L3MBTL4: variants seen among roughly 807,000 people sequenced by gnomAD.
The protein encoded by L3MBTL4 is L3MBTL histone methyl-lysine binding protein 4.
A neutral mutation model predicts 84.5 loss-of-function variants in L3MBTL4; 70 were observed. The observed-to-expected ratio is 0.83, with a 90% CI of 0.68 to 1.01. The LOEUF (loss-of-function observed/expected upper bound fraction) is 1.01. Ranked by LOEUF, L3MBTL4 falls within the 50% of genes least tolerant of loss-of-function variation. The pLI, the probability that L3MBTL4 is intolerant of heterozygous loss-of-function variation, is 0.00. For missense variants in L3MBTL4, 715 were observed against 754.8 expected (o/e 0.95, Z 0.62); for synonymous variants, 274 against 259.8 (o/e 1.05, Z -0.52).
chr18:6,034,999 GT>G (rs1304846413), intron 16 of L3MBTL4, among the ~76,000 whole-genome samples: 1 of 147,546 alleles, frequency 6.8e-6, no homozygotes, highest in Non-Finnish European at 1.5e-5. Context: ...GGGGTTGTTT[GT>G]TTTTTTCTTG....
At chr18:6,370,520 A>G (rs2054116299) in intron 1 of L3MBTL4, among the ~76,000 whole-genome samples, 2 of 152,220 alleles carry the variant, frequency 1.3e-5, no homozygotes, top group South Asian at 4.1e-4. Context: ...TCAGCACAGC[A>G]CAGTCCCTTG....
At chr18:6,119,560 A>G (rs1439014962) in intron 14 of L3MBTL4, among the ~76,000 whole-genome samples, 1 of 152,202 alleles carries the variant, frequency 6.6e-6, no homozygotes, top group Non-Finnish European at 1.5e-5. Flanking sequence ...CTGTTCAGGA[A>G]ATACTCAAAA....
At chr18:6,298,910 G>A (rs1029811161) in intron 4 of L3MBTL4, among the ~76,000 whole-genome samples, 14 of 151,846 alleles carry the variant, frequency 9.2e-5, no homozygotes, top group Admixed American at 4.6e-4. Flanking sequence ...AACCCTCAAT[G>A]CCCCAACACT....
At chr18:6,303,650 C>CAT (rs928915778) in intron 3 of L3MBTL4, among the ~76,000 whole-genome samples, 4 of 152,144 alleles carry the variant, frequency 2.6e-5, no homozygotes, top group Admixed American at 2.6e-4. Context: ...CAGACCTGTT[C>CAT]ATAGCACTTT....
intron 1 of L3MBTL4, among the ~76,000 whole-genome samples, chr18:6,346,198 T>C (rs1279188874): frequency 6.7e-6 from 1 of 150,214 alleles, no homozygotes; most frequent in African/African-American, 2.4e-5. Context: ...TCAAAATAGA[T>C]TGAAGACTTA....
At chr18:6,285,203 A>G (rs1429318219) in intron 4 of L3MBTL4, among the ~76,000 whole-genome samples, 1 of 152,162 alleles carries the variant, frequency 6.6e-6, no homozygotes, top group African/African-American at 2.4e-5. Flanking sequence ...CGGATGGTGG[A>G]GCCCACGTGG....
At chr18:6,127,540 A>G (rs1176197301) in intron 14 of L3MBTL4, among the ~76,000 whole-genome samples, 1 of 152,264 alleles carries the variant, frequency 6.6e-6, no homozygotes, top group Non-Finnish European at 1.5e-5. Context: ...AATACATAGC[A>G]GATTGGAAAA....
chr18:6,016,577 A>C (rs895505755), intron 16 of L3MBTL4, among the ~76,000 whole-genome samples: 4 of 152,184 alleles, frequency 2.6e-5, no homozygotes, highest in Non-Finnish European at 4.4e-5. Flanking sequence ...AAAGAGACAC[A>C]CCGAGTAGTG....
intron 16 of L3MBTL4, chr18:6,031,742 A>C: frequency 1.0e-6 from 1 of 985,420 alleles, no homozygotes; most frequent in Non-Finnish European, 1.2e-6. Context: ...GGCAAATGGA[A>C]AGTGCTGTCT....
intron 14 of L3MBTL4, among the ~76,000 whole-genome samples, chr18:6,136,869 C>A (rs565165236): frequency 1.3e-5 from 2 of 152,300 alleles, no homozygotes; most frequent in South Asian, 4.1e-4. Context: ...ACACCCTCCA[C>A]CAGTAACGAG....
intron 16 of L3MBTL4, among the ~76,000 whole-genome samples, chr18:5,999,287 C>T (rs1408606221): frequency 6.6e-6 from 1 of 152,210 alleles, no homozygotes; most frequent in Non-Finnish European, 1.5e-5. Flanking sequence ...CTATCTTCTC[C>T]TGAAAATGTC....
At chr18:6,140,938 T>A (rs543975062) in intron 13 of L3MBTL4, among the ~76,000 whole-genome samples, 1 of 151,858 alleles carries the variant, frequency 6.6e-6, no homozygotes, top group Admixed American at 6.5e-5. Flanking sequence ...GGACCTAGAC[T>A]CAGTCAGTAT....
chr18:6,185,990 T>G (rs2044731924), intron 12 of L3MBTL4, among the ~76,000 whole-genome samples: 3 of 149,832 alleles, frequency 2.0e-5, no homozygotes, highest in African/African-American at 7.4e-5. Flanking sequence ...TTTTATTTTA[T>G]TTTATTATTT....
chr18:6,371,628 T>G (rs937666948), intron 1 of L3MBTL4, among the ~76,000 whole-genome samples: 1 of 152,196 alleles, frequency 6.6e-6, no homozygotes, highest in Non-Finnish European at 1.5e-5. Context: ...GCCCCAAATG[T>G]TACTGAATTG....
chr18:6,166,791 A>C (rs1298789131), intron 13 of L3MBTL4, among the ~76,000 whole-genome samples: 4 of 152,204 alleles, frequency 2.6e-5, no homozygotes. Context: ...GAGCAAACAC[A>C]TTCAAAAGCT....
At chr18:5,976,348 G>A (rs187926159) in intron 16 of L3MBTL4, among the ~76,000 whole-genome samples, 18 of 152,250 alleles carry the variant, frequency 1.2e-4, no homozygotes, top group African/African-American at 2.6e-4. Context: ...CGTTAAATAC[G>A]GCCAGTAGAA....
At chr18:6,314,865 A>C (rs910367031) in intron 1 of L3MBTL4, among the ~76,000 whole-genome samples, 8 of 152,342 alleles carry the variant, frequency 5.3e-5, no homozygotes, top group South Asian at 2.1e-4. Flanking sequence ...ACCTTGAGGA[A>C]TATGAAGCTG....
rs2095220394 is a variant in L3MBTL4, at chr18:5,955,220, C to T, written c.*1000G>A. On this transcript the variant is annotated 3_prime_UTR_variant, in exon 19 of 19. Coordinates refer to ENST00000317931, the MANE Select transcript of L3MBTL4 (RefSeq NM_001330559.2). ...ACAAAAAACAAATAAGGCCTGACAA[C>T]AAATCGGAATGTTTCAAACAAAGAA... The T allele has an allele frequency of 6.6e-6, 1 of 152,216 alleles. No individual in the cohort carries two copies. The highest frequency in any genetic ancestry group is 2.1e-4 in the South Asian group (1 of 4,832). The allele number at this position is 152,216 out of a possible 1,614,324, so 9.4% of individuals were successfully genotyped here. A position where few individuals can be genotyped will look rare whatever the true frequency, so the allele number is the denominator to read the frequency against.
At position 6,111,911 on chromosome 18, in the gene L3MBTL4, C is replaced by T. The variant is rs146889342; in HGVS notation, c.1200-18383G>A. On this transcript the variant is annotated intron_variant, in intron 14 of 18. Coordinates refer to ENST00000317931, the MANE Select transcript of L3MBTL4 (RefSeq NM_001330559.2). Reference sequence around the variant, plus strand: ...ACAACACATTGTTATTAACTAGAGTCGACATGTTGTGCAATATATCTCCTT... The same window carrying T: ...ACAACACATTGTTATTAACTAGAGTTGACATGTTGTGCAATATATCTCCTT... 4.6e-5 allele frequency among the ~76,000 whole-genome samples: 7 copies of T among 152,126 alleles called. 1 individual carries two copies. Among genetic ancestry groups the T allele is most frequent in the African/African-American group, 1.4e-4 (6 of 41,482 alleles).
Sources: allele counts gnomAD v4.1 joint callset (sites outside exome capture counted in the v4.1 genomes callset), GRCh38; gene constraint gnomAD v4.1.1; transcripts MANE v1.5; gene names NCBI Gene and HGNC (gene_info 2026-07-23, HGNC 2026-07-21).